The following TMEM38B variants were observed in gnomAD, a reference collection of about 807,000 sequenced individuals.
TMEM38B encodes the protein trimeric intracellular cation channel type B.
TMEM38B carries 24 observed loss-of-function variants against 28.7 expected under a neutral mutation model. That is an observed-to-expected ratio of 0.84 (90% CI 0.61 to 1.18). The LOEUF is 1.18. Ranked by LOEUF, TMEM38B falls within the 50% of genes most tolerant of loss-of-function variation. The pLI is 0.00. For missense variants in TMEM38B, 380 were observed against 350.9 expected, an observed-to-expected ratio of 1.08 and a Z score of -0.66; for synonymous variants, 131 against 127.7, an observed-to-expected ratio of 1.03 and a Z score of -0.17.
intron 5 of TMEM38B, among the ~76,000 whole-genome samples, chr9:105,767,210 T>C (rs1033370000): frequency 2.6e-5 from 4 of 152,060 alleles, no homozygotes; most frequent in African/African-American, 9.7e-5. Flanking sequence ...GACAGTTCTT[T>C]CCCTCATTGA....
rs150195881 is a variant in TMEM38B at position 105,704,204 on chromosome 9, C to T, written c.113-1393C>T. ...ATATGTAACTAACCTGCACAATGTG[C>T]ACATGTACCCTAAAACTTAAAGTAT... On this transcript the variant is annotated intron_variant, in intron 1 of 5. Coordinates refer to ENST00000374692, the MANE Select transcript of TMEM38B (RefSeq NM_018112.3). 6.5e-3 allele frequency among the ~76,000 whole-genome samples: 987 copies of T among 151,516 alleles called. 5 individuals are homozygous for T. The highest frequency in any genetic ancestry group is 0.023 in the African/African-American group (939 of 41,158).
chr9:105,762,015 G>A lies in TMEM38B; in HGVS notation c.661-11850G>A, dbSNP rs77613088. Among the ~76,000 whole-genome samples, 55 of 152,016 alleles carry A rather than the reference G, an allele frequency of 3.6e-4. 1 individual carries two copies. In the East Asian group the frequency reaches 9.9e-3, roughly 27 times the overall value. ...ACTTGGTACAAACTTGAAGCAAGTC[G>A]CCTTCTATTTTTTACTCCAAGGTTG... On this transcript the variant is annotated intron_variant, in intron 5 of 5. Coordinates refer to ENST00000374692, the MANE Select transcript of TMEM38B (RefSeq NM_018112.3).
intron 4 of TMEM38B, among the ~76,000 whole-genome samples, chr9:105,734,740 G>A (rs1308173240): frequency 3.3e-5 from 5 of 151,778 alleles, no homozygotes; most frequent in Non-Finnish European, 5.9e-5. Context: ...TCTGATATAC[G>A]TATACCCACC....
At chr9:105,757,521 C>T (rs1406790706) in intron 5 of TMEM38B, among the ~76,000 whole-genome samples, 1 of 152,122 alleles carries the variant, frequency 6.6e-6, no homozygotes, top group African/African-American at 2.4e-5. Context: ...TTTATATTCC[C>T]ACCAGCAGTG....
intron 5 of TMEM38B, among the ~76,000 whole-genome samples, chr9:105,772,879 A>G (rs1409865733): frequency 6.6e-6 from 1 of 152,080 alleles, no homozygotes; most frequent in Non-Finnish European, 1.5e-5. Context: ...TAAATATTGC[A>G]TAGCATGCAT....
At chr9:105,729,318 C>G (rs1029445679) in intron 4 of TMEM38B, among the ~76,000 whole-genome samples, 3 of 152,168 alleles carry the variant, frequency 2.0e-5, no homozygotes, top group African/African-American at 7.2e-5. Context: ...GTTTTCCCAG[C>G]ACCATTTATT....
At chr9:105,716,408 C>G (rs1836100052) in intron 2 of TMEM38B, among the ~76,000 whole-genome samples, 1 of 119,678 alleles carries the variant, frequency 8.4e-6, no homozygotes. Flanking sequence ...CCAAATGAGT[C>G]TGCTCTGCTT....
chr9:105,733,908 C>T (rs1486410944), intron 4 of TMEM38B, among the ~76,000 whole-genome samples: 2 of 151,940 alleles, frequency 1.3e-5, no homozygotes, highest in Non-Finnish European at 2.9e-5. Flanking sequence ...TTCAAAAAAC[C>T]AACTCAGTTT....
At chr9:105,738,924 C>T (rs771770016) in intron 4 of TMEM38B, among the ~76,000 whole-genome samples, 1 of 151,800 alleles carries the variant, frequency 6.6e-6, no homozygotes, top group South Asian at 2.1e-4. Context: ...AGTCTTACTG[C>T]GTCACCCAGG....
At chr9:105,758,515 G>A (rs1837915300) in intron 5 of TMEM38B, 1 of 1,261,380 alleles carries the variant, frequency 7.9e-7, no homozygotes, top group South Asian at 1.2e-5. Context: ...AACAGTTTTG[G>A]TCCTAAAGTT....
rs1441003101 is a variant in TMEM38B, at chr9:105,721,903, C to G, written c.454+182C>G. Among the ~76,000 whole-genome samples, 13 of 152,006 alleles carry G rather than the reference C, an allele frequency of 8.6e-5. No homozygotes were observed. The East Asian group carries it at 2.5e-3, about 29-fold the overall frequency. ...ATTCAAAACTAGTACTAGTCCTAAGCCATTATTTTGAGCCTGAGTGTCTTA... is the reference window on the plus strand; with the variant it reads ...ATTCAAAACTAGTACTAGTCCTAAGGCATTATTTTGAGCCTGAGTGTCTTA... On this transcript the variant is annotated intron_variant, in intron 3 of 5. Transcript: ENST00000374692.
intron 5 of TMEM38B, chr9:105,758,014 T>G: frequency 4.3e-6 from 1 of 230,534 alleles, no homozygotes; most frequent in Non-Finnish European, 8.6e-6. Flanking sequence ...GGGCACAACT[T>G]TATCAGAACC....
intron 1 of TMEM38B, among the ~76,000 whole-genome samples, chr9:105,695,854 A>C (rs1185558690): frequency 6.6e-6 from 1 of 152,230 alleles, no homozygotes; most frequent in East Asian, 1.9e-4. Context: ...GACCTGGATG[A>C]GGATGGTATT....
chr9:105,705,721 C>A lies in TMEM38B; in HGVS notation c.237C>A (p.Asn79Lys), dbSNP rs774533828. The change falls in exon 2 of 6, where the codon AAC becomes AAA. Residue 79 changes from asparagine to lysine, a missense_variant. Physicochemically the swap from Asn to Lys is moderately conservative, Grantham distance 94. Coordinates refer to ENST00000374692, the MANE Select transcript of TMEM38B (RefSeq NM_018112.3). ...AGCCTCCATTGAAGTTTCTTGCAAACCACACTAACATATTACTGGCATCTT... is the reference window on the plus strand; with the variant it reads ...AGCCTCCATTGAAGTTTCTTGCAAAACACACTAACATATTACTGGCATCTT... ...LAEPPLKFLA[N>K]HTNILLASSI... The A allele has an allele frequency of 1.2e-6, 2 of 1,613,668 alleles. No homozygotes were observed. Among genetic ancestry groups the A allele is most frequent in the Admixed American group, 1.7e-5 (1 of 60,002 alleles).
chr9:105,747,052 C>T lies in TMEM38B; in HGVS notation c.543-1021C>T, dbSNP rs1837428776. Among the ~76,000 whole-genome samples the T allele has an allele frequency of 2.6e-5, 4 of 152,134 alleles. No individual in the cohort carries two copies. The South Asian group carries it at 8.3e-4, about 32-fold the overall frequency. ...CTAAAATTCTCTTTTTTGGTTGTGTCTCTGCCAGGCTTTGGTATCAGGATG... is the reference window on the plus strand; with the variant it reads ...CTAAAATTCTCTTTTTTGGTTGTGTTTCTGCCAGGCTTTGGTATCAGGATG... On this transcript the variant is annotated intron_variant, in intron 4 of 5. Coordinates refer to ENST00000374692, the MANE Select transcript of TMEM38B (RefSeq NM_018112.3).
chr9:105,750,023 C>T (rs575879083), intron 5 of TMEM38B, among the ~76,000 whole-genome samples: 50 of 152,266 alleles, frequency 3.3e-4, no homozygotes, highest in African/African-American at 8.2e-4. Context: ...CCATTACTAG[C>T]GCATATTATT....
chr9:105,766,903 AC>A (rs1385967797), intron 5 of TMEM38B, among the ~76,000 whole-genome samples: 1 of 38,834 alleles, frequency 2.6e-5, no homozygotes, highest in African/African-American at 1.0e-4. Context: ...CCCCCACCCC[AC>A]GACAGGCCCC....
intron 2 of TMEM38B, among the ~76,000 whole-genome samples, chr9:105,712,262 CTT>C (rs1835933689): frequency 1.3e-5 from 2 of 152,162 alleles, no homozygotes; most frequent in Non-Finnish European, 2.9e-5. Flanking sequence ...AGTATCCTGA[CTT>C]TTATGGTAAT....
In TMEM38B at chr9:105,735,548, T is replaced by C. The variant is rs1836941749; in HGVS notation, c.543-12525T>C. ...GTAACCTTAATTTCTGAAGAATAGC[T>C]TTGCTGGGTATAGTATTTTTGGCTG... On this transcript the variant is annotated intron_variant, in intron 4 of 5. Transcript: ENST00000374692. 2.6e-5 allele frequency among the ~76,000 whole-genome samples: 4 copies of C among 152,220 alleles called. No individual in the cohort carries two copies. In the South Asian group the frequency reaches 8.3e-4, roughly 31 times the overall value.
Sources: gnomAD v4.1 joint callset for allele counts (sites outside exome capture counted in the v4.1 genomes callset) on GRCh38, gnomAD v4.1.1 for gene constraint, MANE v1.5 for transcripts, NCBI Gene and HGNC (gene_info 2026-07-23, HGNC 2026-07-21) for gene names.